PRLR: variants seen among roughly 807,000 people sequenced by gnomAD.
PRLR encodes prolactin receptor, also known as hPRL receptor.
A neutral mutation model predicts 40.2 loss-of-function variants in PRLR; 13 were observed. That is an observed-to-expected ratio of 0.32 (90% CI 0.21 to 0.51). PRLR has a LOEUF of 0.51. Among genes scored for constraint, PRLR ranks in the 20% least tolerant of loss-of-function variants. The probability of loss-of-function intolerance (pLI) is 0.97; values close to 1 mark genes in which losing one functional copy is unlikely to be tolerated. For missense variants in PRLR, 656 were observed against 747.3 expected, an observed-to-expected ratio of 0.88 and a Z score of 1.42; for synonymous variants, 269 against 278.7, an observed-to-expected ratio of 0.97 and a Z score of 0.35.
At chr5:35,050,779 C>T (rs1768467385), downstream of PRLR, among the ~76,000 whole-genome samples, 1 of 152,186 alleles carries the variant, frequency 6.6e-6, no homozygotes, top group Admixed American at 6.5e-5. Context: ...CAAAGTAATT[C>T]TTTCCCTCTC....
intron 2 of PRLR, among the ~76,000 whole-genome samples, chr5:35,094,062 T>C (rs1470957807): frequency 2.6e-5 from 4 of 152,206 alleles, no homozygotes; most frequent in African/African-American, 9.6e-5. Flanking sequence ...GCGACACTTA[T>C]GACTGTATTC....
intron 7 of PRLR, among the ~76,000 whole-genome samples, 175 bp from the exon 8 acceptor site, chr5:35,069,053 T>A (rs958482214): frequency 2.0e-5 from 3 of 152,212 alleles, no homozygotes; most frequent in Non-Finnish European, 4.4e-5. Flanking sequence ...TTAAATATTA[T>A]TAATATGTTA....
At chr5:35,052,628 A>C (rs1279340509), downstream of PRLR, among the ~76,000 whole-genome samples, 1 of 152,144 alleles carries the variant, frequency 6.6e-6, no homozygotes, top group Non-Finnish European at 1.5e-5. Context: ...ACAGTCTAAA[A>C]ATATTACTAT....
Position 35,129,989 on chromosome 5 carries a change from C to T in PRLR, c.-105-11867G>A, listed in dbSNP as rs574085941. ...CTGTCAAAGTTTGAATGCTTGCTTC[C>T]GAATGCAGAGGGTGAAGTCACAGAG... is the stretch of plus-strand genomic sequence containing the variant. On this transcript the variant is annotated intron_variant, in intron 1 of 9. Coordinates refer to ENST00000618457, the MANE Select transcript of PRLR (RefSeq NM_000949.7). Among the ~76,000 whole-genome samples, 22 of 152,208 alleles carry T rather than the reference C, an allele frequency of 1.4e-4. No homozygotes were observed. The South Asian group carries it at 4.4e-3, about 30-fold the overall frequency.
intron 1 of PRLR, among the ~76,000 whole-genome samples, chr5:35,174,731 T>C (rs1775097825): frequency 6.6e-6 from 1 of 152,192 alleles, no homozygotes. Flanking sequence ...ATGACCTGTC[T>C]GGGGACCAGC....
chr5:35,051,672 G>A (rs547861990), downstream of PRLR, among the ~76,000 whole-genome samples: 1 of 152,262 alleles, frequency 6.6e-6, no homozygotes, highest in South Asian at 2.1e-4. Context: ...AGAATTGGCT[G>A]ATTTAAATAA....
intron 5 of PRLR, among the ~76,000 whole-genome samples, chr5:35,078,348 G>A (rs1446118469): frequency 6.6e-6 from 1 of 151,950 alleles, no homozygotes; most frequent in Non-Finnish European, 1.5e-5. Context: ...TGAAATACAT[G>A]CAATAAAAAA....
chr5:35,148,623 C>T (rs6451181), intron 1 of PRLR, among the ~76,000 whole-genome samples: 129,446 of 152,164 alleles, frequency 0.85, 56,703 homozygotes, highest in South Asian at 0.96. Context: ...TTACCTGATA[C>T]GATTGTTGCA....
rs1769005023 is a variant in PRLR, at chr5:35,060,987, A to T, written c.*4102T>A. ...TCAGGCAAAGTAAGTCACACTATTCACAACAGCTCTGTGTTGATTCAATTA... is the reference window on the plus strand; with the variant it reads ...TCAGGCAAAGTAAGTCACACTATTCTCAACAGCTCTGTGTTGATTCAATTA... On this transcript the variant is annotated 3_prime_UTR_variant, in exon 10 of 10. Transcript: ENST00000618457. 6.6e-6 allele frequency: 1 copy of T among 152,152 alleles called. No homozygotes were observed. The highest frequency in any genetic ancestry group is 2.4e-5 in the African/African-American group (1 of 41,430). 9.4% of individuals were successfully genotyped at this position (152,152 alleles called of 1,614,324 possible).
intron 1 of PRLR, among the ~76,000 whole-genome samples, chr5:35,185,929 C>G (rs967755689): frequency 6.6e-6 from 1 of 152,080 alleles, no homozygotes; most frequent in African/African-American, 2.4e-5. Context: ...TCTGATTCGT[C>G]GAATGTCGGG....
At chr5:35,051,985 G>T (rs760881700), downstream of PRLR, among the ~76,000 whole-genome samples, 14 of 152,116 alleles carry the variant, frequency 9.2e-5, no homozygotes, top group South Asian at 2.1e-4. Flanking sequence ...ACAATGAAAA[G>T]AATAATTTAT....
intron 5 of PRLR, among the ~76,000 whole-genome samples, chr5:35,079,919 C>G (rs916313190): frequency 6.6e-6 from 1 of 152,006 alleles, no homozygotes; most frequent in African/African-American, 2.4e-5. Context: ...ACAAACCTGA[C>G]AAAAACAAGA....
chr5:35,072,467 G>A (rs988429446), intron 6 of PRLR, 108 bp downstream of exon 6: 4 of 1,292,606 alleles, frequency 3.1e-6, no homozygotes, highest in Non-Finnish European at 4.3e-6. Flanking sequence ...CTGCATTGGA[G>A]GCCAACACAG....
intron 1 of PRLR, among the ~76,000 whole-genome samples, chr5:35,148,151 T>C (rs1044095551): frequency 6.6e-6 from 1 of 152,156 alleles, no homozygotes; most frequent in Non-Finnish European, 1.5e-5. Flanking sequence ...TCTAAATATT[T>C]CAAACTGTCT....
chr5:35,088,145 C>T (rs1010216335), intron 3 of PRLR, among the ~76,000 whole-genome samples: 2 of 152,180 alleles, frequency 1.3e-5, no homozygotes, highest in African/African-American at 4.8e-5. Flanking sequence ...TGCTGTGGGA[C>T]ACAGGCTGGA....
rs142331784 is a variant in PRLR at position 35,070,117 on chromosome 5, C to G, written c.685+7G>C. 1.3e-6 allele frequency: 2 copies of G among 1,595,492 alleles called. No individual in the cohort carries two copies. Among genetic ancestry groups the G allele is most frequent in the East Asian group, 4.5e-5 (2 of 44,758 alleles). ...GGACATAAGCAAAAAAGAGCCAAGA[C>G]GCTCACCACTAGGTATCTGAATGAA... On this transcript the variant is annotated splice_region_variant and intron_variant, in intron 7 of 9. Transcript: ENST00000618457.
intron 3 of PRLR, among the ~76,000 whole-genome samples, chr5:35,088,331 G>C (rs1053558458): frequency 1.3e-5 from 2 of 152,222 alleles, no homozygotes; most frequent in Admixed American, 6.5e-5. Flanking sequence ...CAGCAAGAAT[G>C]CAAGTTTTTG....
chr5:35,110,740 GCTGT>G (rs1772607887), intron 2 of PRLR, among the ~76,000 whole-genome samples: 1 of 152,072 alleles, frequency 6.6e-6, no homozygotes, highest in Non-Finnish European at 1.5e-5. Context: ...CACAAAAATT[GCTGT>G]CTTTCTATGC....
chr5:35,146,301 C>T (rs1438821860), intron 1 of PRLR, among the ~76,000 whole-genome samples: 2 of 152,166 alleles, frequency 1.3e-5, no homozygotes, highest in Non-Finnish European at 2.9e-5. Context: ...AAGAAACAGG[C>T]ATCCAAATAA....
Sources: allele counts gnomAD v4.1 joint callset (sites outside exome capture counted in the v4.1 genomes callset), GRCh38; gene constraint gnomAD v4.1.1; transcripts MANE v1.5; gene names NCBI Gene and HGNC (gene_info 2026-07-23, HGNC 2026-07-21).